TNNI3K: variants seen among roughly 807,000 people sequenced by gnomAD.
TNNI3K encodes the protein TNNI3 interacting kinase.
TNNI3K carries 140 observed loss-of-function variants against 114.5 expected under a neutral mutation model. The observed-to-expected ratio is 1.22, with a 90% CI of 1.07 to 1.41. The LOEUF (loss-of-function observed/expected upper bound fraction) is 1.41. Ranked by LOEUF, TNNI3K falls within the 40% of genes most tolerant of loss-of-function variation. The probability of loss-of-function intolerance (pLI) is 0.00; values close to 1 mark genes in which losing one functional copy is unlikely to be tolerated. For missense variants in TNNI3K, 1,125 were observed against 1,007.6 expected (o/e 1.12, Z -1.58); for synonymous variants, 347 against 347.5 (o/e 1.00, Z 0.02).
chr1:74,279,097 A>G (rs182338971), intron 5 of TNNI3K, among the ~76,000 whole-genome samples: 17 of 152,318 alleles, frequency 1.1e-4, no homozygotes, highest in Admixed American at 7.2e-4. Flanking sequence ...TCCCCAAACT[A>G]CACTTCTAGT....
chr1:74,382,589 G>A (rs1663257810), intron 17 of TNNI3K, among the ~76,000 whole-genome samples: 1 of 152,184 alleles, frequency 6.6e-6, no homozygotes, highest in Non-Finnish European at 1.5e-5. Flanking sequence ...GAAAGATGCA[G>A]TGTTTCTTTG....
At chr1:74,368,351 G>A (rs1181541520) in intron 13 of TNNI3K, among the ~76,000 whole-genome samples, 2 of 151,716 alleles carry the variant, frequency 1.3e-5, no homozygotes, top group Non-Finnish European at 2.9e-5. Flanking sequence ...GACCATTTTT[G>A]AATGTATGCT....
intron 17 of TNNI3K, among the ~76,000 whole-genome samples, chr1:74,380,203 A>G (rs1030077897): frequency 6.6e-6 from 1 of 152,102 alleles, no homozygotes; most frequent in Non-Finnish European, 1.5e-5. Flanking sequence ...GCTACACAAG[A>G]CGATGTGTGT....
At chr1:74,352,000 A>G (rs1056686303) in intron 9 of TNNI3K, among the ~76,000 whole-genome samples, 3 of 151,854 alleles carry the variant, frequency 2.0e-5, no homozygotes, top group Admixed American at 6.6e-5. Context: ...GCTTTGTTCC[A>G]TTGCTGGTGA....
chr1:74,442,293 T>C (rs1666409651), intron 20 of TNNI3K, among the ~76,000 whole-genome samples: 1 of 152,102 alleles, frequency 6.6e-6, no homozygotes, highest in Non-Finnish European at 1.5e-5. Flanking sequence ...TATGCACTTA[T>C]TTCCAACTCT....
chr1:74,264,155 T>C (rs1338847974), intron 4 of TNNI3K, among the ~76,000 whole-genome samples: 1 of 150,846 alleles, frequency 6.6e-6, no homozygotes, highest in East Asian at 1.9e-4. Flanking sequence ...ATGTTACTTC[T>C]CTTTTTTTCT....
At chr1:74,353,043 G>T (rs1342583531) in intron 9 of TNNI3K, among the ~76,000 whole-genome samples, 1 of 152,142 alleles carries the variant, frequency 6.6e-6, no homozygotes, top group Non-Finnish European at 1.5e-5. Flanking sequence ...CTTCTGCATT[G>T]CTCATGCTGG....
At chr1:74,398,336 A>G (rs1664189013) in intron 17 of TNNI3K, among the ~76,000 whole-genome samples, 2 of 152,184 alleles carry the variant, frequency 1.3e-5, no homozygotes, top group South Asian at 4.1e-4. Flanking sequence ...CTGATGTCCA[A>G]ACTGCATAGG....
intron 23 of TNNI3K, among the ~76,000 whole-genome samples, chr1:74,534,055 C>A (rs542137543): frequency 6.6e-6 from 1 of 152,226 alleles, no homozygotes; most frequent in African/African-American, 2.4e-5. Flanking sequence ...TCCCAGACAC[C>A]CCACAGGGGT....
Position 74,416,013 on chromosome 1 carries a change from C to T in TNNI3K, c.1773-20067C>T, listed in dbSNP as rs556929188. On this transcript the variant is annotated intron_variant, in intron 17 of 24. Coordinates refer to ENST00000326637, the MANE Select transcript of TNNI3K (RefSeq NM_015978.3). Reference sequence around the variant, plus strand: ...CATCAGTGTGGGAAGGGGAAGTCTTCTAGGATGACCCAGTCTGAGACTGAT... The same window carrying T: ...CATCAGTGTGGGAAGGGGAAGTCTTTTAGGATGACCCAGTCTGAGACTGAT... Among the ~76,000 whole-genome samples, 3 of 152,188 alleles carry T rather than the reference C, an allele frequency of 2.0e-5. No individual in the cohort carries two copies. The South Asian group carries it at 6.2e-4, about 31-fold the overall frequency.
chr1:74,415,045 T>A (rs1665052699), intron 17 of TNNI3K, among the ~76,000 whole-genome samples: 1 of 152,202 alleles, frequency 6.6e-6, no homozygotes. Context: ...CTGTGAAAAC[T>A]CTGACAAATT....
At chr1:74,502,142 GC>G (rs929561998) in intron 23 of TNNI3K, among the ~76,000 whole-genome samples, 12 of 152,174 alleles carry the variant, frequency 7.9e-5, no homozygotes, top group Non-Finnish European at 1.3e-4. Flanking sequence ...GAACTTCATA[GC>G]ACTTATATTT....
intron 2 of TNNI3K, among the ~76,000 whole-genome samples, chr1:74,241,406 A>G (rs188806393): frequency 6.6e-6 from 1 of 152,302 alleles, no homozygotes; most frequent in African/African-American, 2.4e-5. Context: ...ATGGTGTAAA[A>G]GTGTTCCTAT....
intron 4 of TNNI3K, among the ~76,000 whole-genome samples, chr1:74,264,849 A>C (rs1276425704): frequency 6.6e-6 from 1 of 152,088 alleles, no homozygotes; most frequent in Non-Finnish European, 1.5e-5. Flanking sequence ...TTTAATATGA[A>C]TATAAGCTTA....
At chr1:74,457,242 T>A (rs1188905646) in intron 20 of TNNI3K, among the ~76,000 whole-genome samples, 4 of 152,188 alleles carry the variant, frequency 2.6e-5, no homozygotes, top group Non-Finnish European at 4.4e-5. Flanking sequence ...TAGATGGAGA[T>A]ATTTCTATGA....
At chr1:74,287,916 A>G (rs1442442339) in intron 5 of TNNI3K, among the ~76,000 whole-genome samples, 2 of 152,122 alleles carry the variant, frequency 1.3e-5, no homozygotes, top group South Asian at 4.1e-4. Flanking sequence ...CAATCTAAAA[A>G]TGTGCAAAAA....
intron 7 of TNNI3K, among the ~76,000 whole-genome samples, chr1:74,337,200 T>C (rs1457846280): frequency 2.6e-5 from 4 of 152,192 alleles, no homozygotes; most frequent in Non-Finnish European, 5.9e-5. Flanking sequence ...TGGGGTTGTT[T>C]ATTTTTTTCT....
intron 21 of TNNI3K, among the ~76,000 whole-genome samples, chr1:74,483,870 A>T (rs1377592090): frequency 6.6e-6 from 1 of 152,020 alleles, no homozygotes; most frequent in Non-Finnish European, 1.5e-5. Flanking sequence ...CTAAATTCTT[A>T]CTCCTTATAG....
intron 5 of TNNI3K, among the ~76,000 whole-genome samples, chr1:74,321,330 C>A (rs1659600553): frequency 6.6e-6 from 1 of 152,114 alleles, no homozygotes; most frequent in African/African-American, 2.4e-5. Flanking sequence ...GACAGGCATT[C>A]TTTTGTTCTC....
Sources: gnomAD v4.1 joint callset for allele counts (sites outside exome capture counted in the v4.1 genomes callset) on GRCh38, gnomAD v4.1.1 for gene constraint, MANE v1.5 for transcripts, NCBI Gene and HGNC (gene_info 2026-07-23, HGNC 2026-07-21) for gene names.